Variants in BICRAL observed in about 807,000 individuals in gnomAD.
BICRAL encodes BICRA like chromatin remodeling complex associated protein.
Under a neutral mutation model 91.8 loss-of-function variants are expected in BICRAL, and 8 were observed. The ratio of observed to expected loss-of-function variants is 0.09; its 90% CI spans 0.05 to 0.16. BICRAL has a LOEUF of 0.16. Ranked by LOEUF, BICRAL falls within the 10% of genes least tolerant of loss-of-function variation. BICRAL has a pLI of 1.00. For synonymous variants in BICRAL, 445 were observed against 491.1 expected (o/e 0.91, Z 1.24); for missense variants, 1,038 against 1,310.9 (o/e 0.79, Z 3.21).
intron 6 of BICRAL, among the ~76,000 whole-genome samples, chr6:42,844,814 AAAG>A (rs1397394738): frequency 1.3e-5 from 2 of 152,116 alleles, no homozygotes; most frequent in Admixed American, 6.6e-5. Context: ...TTTTGTAGTG[AAAG>A]AAGAGCTTTT....
chr6:42,777,959 T>C (rs1185124744), upstream of BICRAL, among the ~76,000 whole-genome samples: 1 of 152,206 alleles, frequency 6.6e-6, no homozygotes, highest in Admixed American at 6.5e-5. Flanking sequence ...TTACATTCAC[T>C]ACCAAAATCC....
At position 42,864,834 on chromosome 6, in the gene BICRAL, C is replaced by T; in HGVS notation, c.2628C>T (p.Asp876=). The change falls in exon 13 of 13, where the codon GAC becomes GAT. Residue 876 remains aspartate, a synonymous_variant. Coordinates refer to ENST00000314073, the MANE Select transcript of BICRAL (RefSeq NM_001393499.1). ...KTGVTEPMNH[D]QFHLVPNHIV... is the part of the protein sequence containing the mutation. ...GTGTGACGGAACCCATGAATCATGA[C>T]CAGTTTCATCTAGTGCCTAATCACA... is the stretch of plus-strand genomic sequence containing the variant. The T allele has an allele frequency of 6.2e-7, 1 of 1,614,154 alleles. No individual in the cohort carries two copies. The highest frequency in any genetic ancestry group is 8.5e-7 in the Non-Finnish European group (1 of 1,180,024).
intron 6 of BICRAL, among the ~76,000 whole-genome samples, chr6:42,836,678 G>C (rs1270946812): frequency 7.1e-6 from 1 of 139,972 alleles, no homozygotes; most frequent in Non-Finnish European, 1.5e-5. Context: ...CTGGAGTGCA[G>C]TGGCACAATC....
rs1439425154 is a variant in BICRAL at position 42,826,592 on chromosome 6, G to T, written c.160-1901G>T. Among the ~76,000 whole-genome samples, 4 of 152,018 alleles carry T rather than the reference G, an allele frequency of 2.6e-5. No individual in the cohort carries two copies. In the South Asian group the frequency reaches 6.2e-4, roughly 24 times the overall value. On this transcript the variant is annotated intron_variant, in intron 5 of 12. Coordinates refer to ENST00000314073, the MANE Select transcript of BICRAL (RefSeq NM_001393499.1). ...AACAAACCTGACCTGGGGGATTGGA[G>T]TGTCCTGCCTGGAGACTATATCGAG...
intron 1 of BICRAL, among the ~76,000 whole-genome samples, chr6:42,806,165 G>T (rs1258045311): frequency 6.6e-6 from 1 of 152,172 alleles, no homozygotes; most frequent in African/African-American, 2.4e-5. Flanking sequence ...CTCCCCTTAA[G>T]TTTGGAGAGT....
intron 1 of BICRAL, among the ~76,000 whole-genome samples, chr6:42,804,196 ATTT>A (rs1041947130): frequency 6.6e-6 from 1 of 152,048 alleles, no homozygotes; most frequent in Non-Finnish European, 1.5e-5. Flanking sequence ...CTAATTTTGT[ATTT>A]TTAGTAGAGA....
intron 10 of BICRAL, among the ~76,000 whole-genome samples, 198 bp from the exon 11 acceptor site, chr6:42,860,064 A>T (rs545033155): frequency 5.9e-5 from 9 of 152,346 alleles, no homozygotes; most frequent in Admixed American, 5.9e-4. Flanking sequence ...ATGAGTTTCC[A>T]TGACCAGTGG....
Position 42,862,563 on chromosome 6 carries a change from G to A in BICRAL, c.2403G>A (p.Glu801=). ...MVMIDRMFNQ[E]ERASLSRDKR... is the part of the protein sequence containing the mutation. The stretch of plus-strand genomic sequence containing the variant: ...TGATCGATAGGATGTTCAACCAGGA[G>A]GAAAGAGCTTCCCTGTCCCGAGACA... Residue 801 remains glutamate, a synonymous_variant, in exon 12 of 13, where the codon GAG becomes GAA. Coordinates refer to ENST00000314073, the MANE Select transcript of BICRAL (RefSeq NM_001393499.1). 1 of 1,612,706 alleles carries A rather than the reference G, an allele frequency of 6.2e-7. No individual in the cohort carries two copies. The highest frequency in any genetic ancestry group is 8.5e-7 in the Non-Finnish European group (1 of 1,178,744).
intron 6 of BICRAL, among the ~76,000 whole-genome samples, chr6:42,844,325 C>T (rs1249857374): frequency 1.3e-5 from 2 of 149,706 alleles, no homozygotes; most frequent in African/African-American, 2.4e-5. Flanking sequence ...CTGGCTAACC[C>T]GGTGAAACCC....
intron 1 of BICRAL, among the ~76,000 whole-genome samples, chr6:42,757,233 C>T (rs1037117802): frequency 6.7e-6 from 1 of 150,262 alleles, no homozygotes; most frequent in Non-Finnish European, 1.5e-5. Flanking sequence ...CTACCATGCT[C>T]TATATAAATA....
At chr6:42,802,314 C>T (rs1009531070) in intron 1 of BICRAL, among the ~76,000 whole-genome samples, 1 of 152,064 alleles carries the variant, frequency 6.6e-6, no homozygotes, top group Non-Finnish European at 1.5e-5. Context: ...CTGAATAAAA[C>T]TAGAAATCAG....
intron 1 of BICRAL, among the ~76,000 whole-genome samples, chr6:42,786,628 A>C (rs920688977): frequency 9.9e-5 from 15 of 152,242 alleles, no homozygotes; most frequent in Non-Finnish European, 1.2e-4. Context: ...ATGACAGATT[A>C]AGAAAAAATA....
chr6:42,781,423 A>G (rs2113856865), upstream of BICRAL, among the ~76,000 whole-genome samples: 1 of 152,358 alleles, frequency 6.6e-6, no homozygotes, highest in African/African-American at 2.4e-5. Flanking sequence ...AGGATGAACC[A>G]GTTATTTGCC....
At chr6:42,749,498 ATGTAT>A (rs1762341482) in intron 1 of BICRAL, among the ~76,000 whole-genome samples, 1 of 152,196 alleles carries the variant, frequency 6.6e-6, no homozygotes, top group Non-Finnish European at 1.5e-5. Flanking sequence ...GTTAACAATA[ATGTAT>A]TGTACATTTC....
At chr6:42,827,303 C>T (rs959920313) in intron 5 of BICRAL, among the ~76,000 whole-genome samples, 53 of 152,224 alleles carry the variant, frequency 3.5e-4, no homozygotes, top group African/African-American at 1.2e-3. Flanking sequence ...GTGTAAGGCA[C>T]GTAAGATCAT....
At chr6:42,794,939 C>T (rs1465459315) in intron 1 of BICRAL, among the ~76,000 whole-genome samples, 1 of 146,500 alleles carries the variant, frequency 6.8e-6, no homozygotes. Flanking sequence ...CCAGCCTGGG[C>T]AACAAGAGCA....
At chr6:42,763,169 A>G (rs1242611731) in intron 1 of BICRAL, among the ~76,000 whole-genome samples, 1 of 152,168 alleles carries the variant, frequency 6.6e-6, no homozygotes. Context: ...GAGGTACTTC[A>G]CTTATATTAT....
At chr6:42,820,605 T>TAGTCATGTG (rs1275006740) in intron 2 of BICRAL, among the ~76,000 whole-genome samples, 80 of 152,330 alleles carry the variant, frequency 5.3e-4, no homozygotes, top group African/African-American at 1.8e-3. Context: ...TACACTAGTA[T>TAGTCATGTG]AGTCATGTGA....
At chr6:42,815,185 CTTTTT>C (rs869106375) in intron 2 of BICRAL, among the ~76,000 whole-genome samples, 1 of 101,140 alleles carries the variant, frequency 9.9e-6, no homozygotes. Flanking sequence ...GTCAGAATAT[CTTTTT>C]TTTTTTTTTT....
Sources: allele counts gnomAD v4.1 joint callset (sites outside exome capture counted in the v4.1 genomes callset), GRCh38; gene constraint gnomAD v4.1.1; transcripts MANE v1.5; gene names NCBI Gene and HGNC (gene_info 2026-07-23, HGNC 2026-07-21).